Variants in SLC25A26 observed in about 807,000 individuals in gnomAD.
SLC25A26 encodes the protein mitochondrial S-adenosylmethionine carrier protein.
A neutral mutation model predicts 37.8 loss-of-function variants in SLC25A26; 36 were observed. The ratio of observed to expected loss-of-function variants is 0.95; its 90% CI spans 0.73 to 1.26. The LOEUF (loss-of-function observed/expected upper bound fraction) is 1.26. Among genes scored for constraint, SLC25A26 ranks in the 50% most tolerant of loss-of-function variants. SLC25A26 has a pLI of 0.00. For missense variants in SLC25A26, 390 were observed against 331.1 expected (o/e 1.18, Z -1.38); for synonymous variants, 129 against 122.5 (o/e 1.05, Z -0.35).
Position 66,187,983 on chromosome 3 carries a change from G to A in SLC25A26, c.-353-32759G>A. Among the ~76,000 whole-genome samples the A allele has an allele frequency of 1.3e-5, 2 of 152,096 alleles. 1 individual carries two copies. Among genetic ancestry groups the A allele is most frequent in the Non-Finnish European group, 2.9e-5 (2 of 68,022 alleles). ...CATACCTGATATTGGCTGCCATGCTGACTATGACCCTCCTCACTATTACCA... is the reference window on the plus strand; with the variant it reads ...CATACCTGATATTGGCTGCCATGCTAACTATGACCCTCCTCACTATTACCA... On this transcript the variant is annotated intron_variant, in intron 1 of 10. Coordinates refer to the SLC25A26 transcript ENST00000676754.
intron 1 of SLC25A26, among the ~76,000 whole-genome samples, chr3:66,229,541 G>C (rs1277007332): frequency 6.6e-6 from 1 of 152,204 alleles, no homozygotes; most frequent in Admixed American, 6.5e-5. Context: ...CACTCTCTGT[G>C]TCCTGCCGCC....
intron 1 of SLC25A26, among the ~76,000 whole-genome samples, chr3:66,142,648 A>C (rs1477470177): frequency 1.3e-5 from 2 of 152,146 alleles, no homozygotes; most frequent in Non-Finnish European, 1.5e-5. Context: ...CTGCCTGACT[A>C]TCCATTTGTC....
At chr3:66,339,566 G>C (rs2076163281) in intron 5 of SLC25A26, among the ~76,000 whole-genome samples, 1 of 151,346 alleles carries the variant, frequency 6.6e-6, no homozygotes, top group South Asian at 2.1e-4. Flanking sequence ...GTTGCTAGTA[G>C]CCCTCCTAAA....
intron 5 of SLC25A26, among the ~76,000 whole-genome samples, chr3:66,303,718 T>C (rs576764468): frequency 1.3e-5 from 2 of 152,344 alleles, no homozygotes; most frequent in Admixed American, 1.3e-4. Context: ...AGGTGACATA[T>C]ATTGATGATC....
intron 5 of SLC25A26, among the ~76,000 whole-genome samples, chr3:66,345,503 C>G (rs909066818): frequency 6.8e-6 from 1 of 147,154 alleles, no homozygotes; most frequent in African/African-American, 2.5e-5. Context: ...TGCCCCCCTA[C>G]CCTCTACCTC....
chr3:66,277,876 A>G (rs1263156220), intron 5 of SLC25A26, among the ~76,000 whole-genome samples: 1 of 152,136 alleles, frequency 6.6e-6, no homozygotes, highest in Non-Finnish European at 1.5e-5. Flanking sequence ...TGTGATCATG[A>G]GAAAACATCA....
intron 5 of SLC25A26, among the ~76,000 whole-genome samples, chr3:66,281,947 C>G (rs1198413369): frequency 5.3e-5 from 8 of 150,342 alleles, no homozygotes. Context: ...CTCAGCCTCC[C>G]GAGTAACTGG....
intron 5 of SLC25A26, among the ~76,000 whole-genome samples, chr3:66,295,251 T>TC (rs2107528902): frequency 6.6e-6 from 1 of 152,128 alleles, no homozygotes; most frequent in South Asian, 2.1e-4. Flanking sequence ...TGAGACGGAG[T>TC]CCCGCACTTT....
chr3:66,271,147 T>C (rs1313455973), intron 5 of SLC25A26, among the ~76,000 whole-genome samples: 1 of 152,184 alleles, frequency 6.6e-6, no homozygotes, highest in Non-Finnish European at 1.5e-5. Context: ...AAGTAGCTCT[T>C]TGTTGTTGTT....
At chr3:66,228,133 A>G (rs2071842366) in intron 1 of SLC25A26, among the ~76,000 whole-genome samples, 1 of 152,214 alleles carries the variant, frequency 6.6e-6, no homozygotes, top group Non-Finnish European at 1.5e-5. Flanking sequence ...TTATCTAAAC[A>G]CAAGTATATT....
intron 1 of SLC25A26, among the ~76,000 whole-genome samples, chr3:66,181,009 G>C (rs1053140337): frequency 1.3e-5 from 2 of 152,300 alleles, no homozygotes; most frequent in Admixed American, 6.5e-5. Flanking sequence ...GAGGGCAGCT[G>C]TCTGCAAGCC....
intron 1 of SLC25A26, among the ~76,000 whole-genome samples, chr3:66,227,260 A>G (rs1464397122): frequency 6.6e-6 from 1 of 152,238 alleles, no homozygotes; most frequent in Admixed American, 6.5e-5. Flanking sequence ...TAATGACAGC[A>G]GTGTGAATAT....
chr3:66,367,221 A>G lies in SLC25A26; in HGVS notation c.569-2257A>G, dbSNP rs183203136. ...AGATGCTGTTCCAAACATGTTGCGTAGGCCCATTTAATTCCTGTGTCATAC... is the reference window on the plus strand; with the variant it reads ...AGATGCTGTTCCAAACATGTTGCGTGGGCCCATTTAATTCCTGTGTCATAC... On this transcript the variant is annotated intron_variant, in intron 7 of 9. Coordinates refer to ENST00000354883, the MANE Select transcript of SLC25A26 (RefSeq NM_001379210.1). Among the ~76,000 whole-genome samples the G allele has an allele frequency of 5.9e-5, 9 of 152,280 alleles. No individual in the cohort carries two copies. The East Asian group carries it at 1.4e-3, about 23-fold the overall frequency.
intron 1 of SLC25A26, among the ~76,000 whole-genome samples, chr3:66,158,344 C>T (rs1189038016): frequency 6.6e-6 from 1 of 152,014 alleles, no homozygotes; most frequent in East Asian, 1.9e-4. Flanking sequence ...TTTTATTTAC[C>T]TGTTCATCAA....
At chr3:66,299,660 G>A (rs1478941077) in intron 5 of SLC25A26, among the ~76,000 whole-genome samples, 2 of 152,112 alleles carry the variant, frequency 1.3e-5, no homozygotes, top group African/African-American at 4.8e-5. Context: ...GGGTATGTGT[G>A]CATGAGGTGT....
chr3:66,357,162 C>T (rs1176904607), intron 6 of SLC25A26, among the ~76,000 whole-genome samples: 3 of 152,074 alleles, frequency 2.0e-5, no homozygotes, highest in African/African-American at 7.2e-5. Flanking sequence ...TACTGTAATT[C>T]CAGCTACTTG....
At chr3:66,287,604 T>C (rs2074559457) in intron 5 of SLC25A26, among the ~76,000 whole-genome samples, 1 of 152,368 alleles carries the variant, frequency 6.6e-6, no homozygotes, top group Non-Finnish European at 1.5e-5. Context: ...TTAAAATTCT[T>C]GCTGTTGCAT....
chr3:66,339,911 T>C (rs1218897015), intron 5 of SLC25A26, among the ~76,000 whole-genome samples: 1 of 152,072 alleles, frequency 6.6e-6, no homozygotes, highest in South Asian at 2.1e-4. Context: ...GCTTTTTGTG[T>C]CATATCCAAG....
intron 3 of SLC25A26, among the ~76,000 whole-genome samples, chr3:66,256,633 C>T (rs781985366): frequency 1.3e-5 from 2 of 152,086 alleles, no homozygotes; most frequent in Non-Finnish European, 1.5e-5. Context: ...TGGTGGCTCT[C>T]GCTTGTAATT....
Sources: gnomAD v4.1 joint callset for allele counts (sites outside exome capture counted in the v4.1 genomes callset) on GRCh38, gnomAD v4.1.1 for gene constraint, MANE v1.5 for transcripts, NCBI Gene and HGNC (gene_info 2026-07-23, HGNC 2026-07-21) for gene names.